The following RASIP1 variants were observed in gnomAD, a reference collection of about 807,000 sequenced individuals.
The protein encoded by RASIP1 is ras-interacting protein 1.
A neutral mutation model predicts 85.3 loss-of-function variants in RASIP1; 20 were observed. The observed-to-expected ratio is 0.23, with a 90% CI of 0.17 to 0.34. The LOEUF (loss-of-function observed/expected upper bound fraction) is 0.34. Ranked by LOEUF, RASIP1 falls within the 10% of genes least tolerant of loss-of-function variation. The pLI, the probability that RASIP1 is intolerant of heterozygous loss-of-function variation, is 1.00. For synonymous variants in RASIP1, 617 were observed against 647.1 expected, an observed-to-expected ratio of 0.95 and a Z score of 0.71; for missense variants, 1,170 against 1,390.9, an observed-to-expected ratio of 0.84 and a Z score of 2.53.
Position 48,738,311 on chromosome 19 carries a change from T to C in RASIP1, c.823+649A>G. 6.6e-6 allele frequency among the ~76,000 whole-genome samples: 1 copy of C among 152,204 alleles called. No individual in the cohort carries two copies. The highest frequency in any genetic ancestry group is 1.9e-4 in the East Asian group (1 of 5,204). On this transcript the variant is annotated intron_variant, in intron 3 of 11. Transcript: ENST00000222145. This position sits in a 1 kb window ranked among gnomAD's most constrained non-coding sequence, Gnocchi z 4.0. ...AGTATCAAAACAGTTGCACTATTGA[T>C]TTCTCTTTCTCCTAATTGGCCCCAA...
chr19:48,728,284 C>T (rs1204528015), intron 5 of RASIP1, among the ~76,000 whole-genome samples: 1 of 152,158 alleles, frequency 6.6e-6, no homozygotes, highest in African/African-American at 2.4e-5. Context: ...CAATGGGCTG[C>T]GGTGAATTCT....
intron 3 of RASIP1, chr19:48,737,592 T>G (rs535456462): frequency 1.0e-6 from 1 of 985,226 alleles, no homozygotes; most frequent in African/African-American, 1.7e-5. Context: ...CCGCCCATCT[T>G]AGTCCCAGCA....
At chr19:48,732,259 CTT>C (rs869199913) in intron 4 of RASIP1, among the ~76,000 whole-genome samples, 15 of 136,684 alleles carry the variant, frequency 1.1e-4, no homozygotes, top group Admixed American at 2.2e-4. Flanking sequence ...TTCTGTTTTT[CTT>C]TTTTTTTTTT....
Position 48,735,320 on chromosome 19 carries a change from C to G in RASIP1, c.1055G>C (p.Gly352Ala), listed in dbSNP as rs754958988. The G allele has an allele frequency of 6.2e-7, 1 of 1,613,702 alleles. No homozygotes were observed. Among genetic ancestry groups the G allele is most frequent in the African/African-American group, 1.3e-5 (1 of 74,922 alleles). Residue 352 changes from glycine (G) to alanine (A), a missense_variant, in exon 4 of 12, where the codon GGG becomes GCG. Gly to Ala is a moderately conservative substitution (Grantham distance 60). Coordinates refer to ENST00000222145, the MANE Select transcript of RASIP1 (RefSeq NM_017805.3). ...AGTTCCGATTTGGGCGTCGGCTGCC[C>G]CTGGGGCCATGCTAAGTGCCTGCTG... is the stretch of plus-strand genomic sequence containing the variant. ...RRQQALSMAP[G>A]AADAQIGTAD... is the part of the protein sequence containing the mutation.
rs1246260781 is a variant in RASIP1 at position 48,724,984 on chromosome 19, C to G, written c.2128-24G>C. The G allele has an allele frequency of 6.2e-7, 1 of 1,604,462 alleles. No individual in the cohort carries two copies. Among genetic ancestry groups the G allele is most frequent in the Non-Finnish European group, 8.5e-7 (1 of 1,172,542 alleles). On this transcript the variant is annotated intron_variant, in intron 8 of 11. Transcript: ENST00000222145. The surrounding 1 kb of genome is among the most constrained non-coding windows in gnomAD (Gnocchi z 4.6). ...GTCTGAGAAAATAGAGAAGTGGAAACAAGTGATTGGACTACAACTCCCAGG... is the reference window on the plus strand; with the variant it reads ...GTCTGAGAAAATAGAGAAGTGGAAAGAAGTGATTGGACTACAACTCCCAGG...
Position 48,720,695 on chromosome 19 carries a change from G to A in RASIP1, c.*103C>T. On this transcript the variant is annotated 3_prime_UTR_variant, in exon 12 of 12. Transcript: ENST00000222145. ...AACTCAATCTCCCAACATTCCACGC[G>A]GGATAAGAACTACAACTCCCAGAAA... 1 of 1,281,270 alleles carries A rather than the reference G, an allele frequency of 7.8e-7. No homozygotes were observed. The highest frequency in any genetic ancestry group is 1.1e-6 in the Non-Finnish European group (1 of 899,412). 79.4% of individuals were successfully genotyped at this position (1,281,270 alleles called of 1,614,324 possible). A position where few individuals can be genotyped will look rare whatever the true frequency, so the allele number is the denominator to read the frequency against.
intron 5 of RASIP1, among the ~76,000 whole-genome samples, chr19:48,728,339 C>T (rs1043818678): frequency 6.6e-6 from 1 of 152,198 alleles, no homozygotes; most frequent in East Asian, 1.9e-4. Flanking sequence ...ATCTCTCCCC[C>T]ACCATCTCCC....
Position 48,739,647 on chromosome 19 carries a change from T to C in RASIP1, c.138-2A>G. ...CTCCCCGTGTCCGACGAAGAAGACCTGGGAGTCCGCCGGGGAACAGAGTCG... is the reference window on the plus strand; with the variant it reads ...CTCCCCGTGTCCGACGAAGAAGACCCGGGAGTCCGCCGGGGAACAGAGTCG... On this transcript the variant is annotated splice_acceptor_variant, in intron 2 of 11. Coordinates refer to ENST00000222145, the MANE Select transcript of RASIP1 (RefSeq NM_017805.3). LOFTEE classifies it high-confidence loss of function. The surrounding 1 kb of genome is among the most constrained non-coding windows in gnomAD (Gnocchi z 9.2). 1.4e-6 allele frequency: 2 copies of C among 1,408,022 alleles called. No homozygotes were observed. The highest frequency in any genetic ancestry group is 1.9e-6 in the Non-Finnish European group (2 of 1,079,690). 87.2% of individuals were successfully genotyped at this position (1,408,022 alleles called of 1,614,324 possible). A position where few individuals can be genotyped will look rare whatever the true frequency, so the allele number is the denominator to read the frequency against.
At chr19:48,728,322 C>T (rs913964839) in intron 5 of RASIP1, among the ~76,000 whole-genome samples, 3 of 152,172 alleles carry the variant, frequency 2.0e-5, no homozygotes, top group Non-Finnish European at 4.4e-5. Flanking sequence ...ACTTCTCATC[C>T]AGTGGGATCT....
chr19:48,731,598 T>C (rs2033459520), intron 4 of RASIP1, among the ~76,000 whole-genome samples: 1 of 152,144 alleles, frequency 6.6e-6, no homozygotes, highest in Non-Finnish European at 1.5e-5. Context: ...CTCATCTCCA[T>C]TCCATAAATG....
chr19:48,728,952 G>C lies in RASIP1; in HGVS notation c.1818C>G (p.Ile606Met), dbSNP rs1198939537. 6.2e-6 allele frequency: 9 copies of C among 1,455,494 alleles called. No homozygotes were observed. The highest frequency in any genetic ancestry group is 8.1e-6 in the Non-Finnish European group (9 of 1,113,814). 90.2% of individuals were successfully genotyped at this position (1,455,494 alleles called of 1,614,324 possible). A position where few individuals can be genotyped will look rare whatever the true frequency, so the allele number is the denominator to read the frequency against. ...PRLLGRLARL[I>M]KEAVWEKIKE... Reference sequence around the variant, plus strand: ...GGGCGCTCACCCAGACGGCCTCCTTGATGAGCCGGGCCAGGCGGCCCAGCA... The same window carrying C: ...GGGCGCTCACCCAGACGGCCTCCTTCATGAGCCGGGCCAGGCGGCCCAGCA... Residue 606 changes from isoleucine to methionine, a missense_variant, in exon 5 of 12, where the codon ATC (isoleucine) becomes ATG (methionine). This residue lies in a region of RASIP1 where 426 missense variants were observed against 576.2 expected (regional missense o/e 0.74). Coordinates refer to ENST00000222145, the MANE Select transcript of RASIP1 (RefSeq NM_017805.3).
In RASIP1 at chr19:48,740,054, C is replaced by T. The variant is rs1347083204; in HGVS notation, c.137+92G>A. On this transcript the variant is annotated intron_variant, in intron 2 of 11. Coordinates refer to ENST00000222145, the MANE Select transcript of RASIP1 (RefSeq NM_017805.3). The surrounding 1 kb of genome is among the most constrained non-coding windows in gnomAD (Gnocchi z 5.5). The stretch of plus-strand genomic sequence containing the variant: ...CGTTTGCCCAATTCAGGATGAGGAC[C>T]GGAGCCAACACTTTGCAGGGACTGG... 10 of 1,438,840 alleles carry T rather than the reference C, an allele frequency of 7.0e-6. No homozygotes were observed. In the East Asian group the frequency reaches 7.9e-5, roughly 11 times the overall value. The allele number at this position is 1,438,840 out of a possible 1,614,324, so 89.1% of individuals were successfully genotyped here.
chr19:48,731,391 C>T (rs766544905), intron 4 of RASIP1, among the ~76,000 whole-genome samples: 18 of 152,138 alleles, frequency 1.2e-4, no homozygotes, highest in Non-Finnish European at 2.1e-4. Context: ...AGATAACCCC[C>T]CTTCCATCAA....
chr19:48,720,763 A>G lies in RASIP1; in HGVS notation c.*35T>C. ...GCTCCTGTCCGTAGAAGCCCGTGAC[A>G]TTTCAAGGTTCGCGCGCTCGTTTGG... On this transcript the variant is annotated 3_prime_UTR_variant, in exon 12 of 12. Transcript: ENST00000222145. The G allele has an allele frequency of 6.2e-7, 1 of 1,604,420 alleles. No individual in the cohort carries two copies. The highest frequency in any genetic ancestry group is 8.5e-7 in the Non-Finnish European group (1 of 1,171,518).
rs764928175 is a variant in RASIP1, at chr19:48,735,161, G to C, written c.1179+35C>G. On this transcript the variant is annotated intron_variant, in intron 4 of 11. Transcript: ENST00000222145. Reference sequence around the variant, plus strand: ...CTCACCCACCAACAGATGGGGTATAGGGCTCTGGGCGTGCGGGGCTGGGGC... The same window carrying C: ...CTCACCCACCAACAGATGGGGTATACGGCTCTGGGCGTGCGGGGCTGGGGC... 4 of 1,556,810 alleles carry C rather than the reference G, an allele frequency of 2.6e-6. No individual in the cohort carries two copies. The Admixed American group carries it at 7.1e-5, about 28-fold the overall frequency.
chr19:48,728,875 G>T, intron 5 of RASIP1, 62 bp downstream of exon 5: 1 of 1,376,082 alleles, frequency 7.3e-7, no homozygotes, highest in Admixed American at 3.9e-5. Flanking sequence ...AGGTAGGGAA[G>T]GGAGGCTGGA....
In RASIP1 at chr19:48,724,238, G is replaced by C. The variant is rs571958104; in HGVS notation, c.2544+99C>G. The stretch of plus-strand genomic sequence containing the variant: ...GAGCTGGGGCTGGGGATGGCATGGG[G>C]TTCAAGGGGAGCTCTGACGGTGAGC... On this transcript the variant is annotated intron_variant, in intron 10 of 11. Transcript: ENST00000222145. This position sits in a 1 kb window ranked among gnomAD's most constrained non-coding sequence, Gnocchi z 4.6. 5.3e-6 allele frequency: 7 copies of C among 1,332,864 alleles called. No individual in the cohort carries two copies. The highest frequency in any genetic ancestry group is 2.3e-5 in the Admixed American group (1 of 43,376). The allele number at this position is 1,332,864 out of a possible 1,614,324, so 82.6% of individuals were successfully genotyped here.
At position 48,739,096 on chromosome 19, in the gene RASIP1, C is replaced by T. The variant is rs1568483956; in HGVS notation, c.687G>A (p.Leu229=). The T allele has an allele frequency of 7.6e-7, 1 of 1,314,398 alleles. No individual in the cohort carries two copies. The highest frequency in any genetic ancestry group is 3.2e-5 in the East Asian group (1 of 31,394). 81.4% of individuals were successfully genotyped at this position (1,314,398 alleles called of 1,614,324 possible). The stretch of plus-strand genomic sequence containing the variant: ...CCAGCAGCGGGCGCTCGGAGTCGCC[C>T]AGCACGCGCAGGTGCTCCGCCCGCC... ...GEWRAEHLRV[L]GDSERPLLVQ... is the part of the protein sequence containing the mutation. Residue 229 remains leucine (L), a synonymous_variant, in exon 3 of 12, where the codon CTG becomes CTA. Coordinates refer to ENST00000222145, the MANE Select transcript of RASIP1 (RefSeq NM_017805.3). This position sits in a 1 kb window ranked among gnomAD's most constrained non-coding sequence, Gnocchi z 9.2.
Position 48,728,917 on chromosome 19 carries a change from G to A in RASIP1, c.1833+20C>T. 3.5e-6 allele frequency: 5 copies of A among 1,430,788 alleles called. No homozygotes were observed. The highest frequency in any genetic ancestry group is 4.5e-6 in the Non-Finnish European group (5 of 1,102,034). The allele number at this position is 1,430,788 out of a possible 1,614,324, so 88.6% of individuals were successfully genotyped here. On this transcript the variant is annotated intron_variant, in intron 5 of 11. Coordinates refer to ENST00000222145, the MANE Select transcript of RASIP1 (RefSeq NM_017805.3). Reference sequence around the variant, plus strand: ...ACTTGGGGCGCTGGTGGGGCTGGACGGCGATTGGGGGGCGCTCACCCAGAC... The same window carrying A: ...ACTTGGGGCGCTGGTGGGGCTGGACAGCGATTGGGGGGCGCTCACCCAGAC...
Sources: gnomAD v4.1 joint callset for allele counts (sites outside exome capture counted in the v4.1 genomes callset) on GRCh38, gnomAD v4.1.1 for gene constraint, gnomAD v4.1.1 regional missense constraint, Gnocchi (gnomAD v3.1) non-coding constraint, MANE v1.5 for transcripts, NCBI Gene and HGNC (gene_info 2026-07-23, HGNC 2026-07-21) for gene names.